The following PCDHA6 variants were observed in gnomAD, a reference collection of about 807,000 sequenced individuals.
The protein encoded by PCDHA6 is protocadherin alpha 6, also known as protocadherin alpha-6.
PCDHA6 carries 55 observed loss-of-function variants against 60.3 expected under a neutral mutation model. The ratio of observed to expected loss-of-function variants is 0.91; its 90% confidence interval spans 0.73 to 1.14. PCDHA6 has a LOEUF of 1.14. Ranked by LOEUF, PCDHA6 falls within the 50% of genes most tolerant of loss-of-function variation. PCDHA6 has a pLI of 0.00. For missense variants in PCDHA6, 1,327 were observed against 1,256.5 expected, an observed-to-expected ratio of 1.06 and a Z score of -0.85; for synonymous variants, 652 against 557.9, an observed-to-expected ratio of 1.17 and a Z score of -2.38.
chr5:140,869,431 G>T lies in PCDHA6; in HGVS notation c.2394+38946G>T, dbSNP rs782430805. ...GTGCAGCATCCACCTGGAGGTGATC[G>T]TGGACAGGCCGCTGCAGGTTTTCCA... is the stretch of plus-strand genomic sequence containing the variant. On this transcript the variant is annotated intron_variant, in intron 1 of 3. Transcript: ENST00000529310. The T allele has an allele frequency of 3.7e-6, 6 of 1,614,204 alleles. No individual in the cohort carries two copies. In the South Asian group the frequency reaches 5.5e-5, roughly 15 times the overall value.
At chr5:140,908,844 C>T (rs533219921) in intron 1 of PCDHA6, among the ~76,000 whole-genome samples, 2 of 152,272 alleles carry the variant, frequency 1.3e-5, no homozygotes, top group African/African-American at 4.8e-5. Context: ...GCTGGAGTAA[C>T]ATACCCAAAT....
intron 1 of PCDHA6, among the ~76,000 whole-genome samples, chr5:140,840,938 GA>G (rs1162522962): frequency 6.6e-6 from 1 of 151,908 alleles, no homozygotes; most frequent in Non-Finnish European, 1.5e-5. Flanking sequence ...TACGATATTT[GA>G]AATATTGGGA....
At position 140,917,079 on chromosome 5, in the gene PCDHA6, A is replaced by G. The variant is rs115825402; in HGVS notation, c.2395-61870A>G. Among the ~76,000 whole-genome samples the G allele has an allele frequency of 8.0e-3, 1,217 of 152,106 alleles. 6 individuals carry two copies. The highest frequency in any genetic ancestry group is 0.019 in the African/African-American group (785 of 41,476). On this transcript the variant is annotated intron_variant, in intron 1 of 3. Coordinates refer to ENST00000529310, the MANE Select transcript of PCDHA6 (RefSeq NM_018909.4). ...GCTACGACAGCACCGAGTTTAATGT[A>G]AAGTTCCCCAGTTGCTGTGCTTTAC... is the stretch of plus-strand genomic sequence containing the variant.
At chr5:140,938,190 C>T (rs2091964057) in intron 1 of PCDHA6, among the ~76,000 whole-genome samples, 1 of 152,212 alleles carries the variant, frequency 6.6e-6, no homozygotes. Flanking sequence ...AAGCAATCCT[C>T]CCACGCCAGC....
intron 1 of PCDHA6, among the ~76,000 whole-genome samples, chr5:140,831,987 G>A (rs1349953832): frequency 2.6e-5 from 4 of 152,118 alleles, no homozygotes; most frequent in South Asian, 2.1e-4. Flanking sequence ...CTCTCATTAC[G>A]GATTCCATAT....
chr5:140,858,711 A>T, intron 1 of PCDHA6: 1 of 537,382 alleles, frequency 1.9e-6, no homozygotes, highest in East Asian at 3.0e-5. Context: ...TATGTGATAT[A>T]GGTTGCAGTT....
intron 1 of PCDHA6, chr5:140,856,762 C>T: frequency 6.3e-7 from 1 of 1,596,712 alleles, no homozygotes; most frequent in Non-Finnish European, 8.6e-7. Context: ...ATGATAACGC[C>T]CCTATCTTTG....
At chr5:140,996,795 C>G (rs1554255407) in intron 3 of PCDHA6, among the ~76,000 whole-genome samples, 1 of 152,170 alleles carries the variant, frequency 6.6e-6, no homozygotes, top group East Asian at 1.9e-4. Flanking sequence ...CTCCCTACAT[C>G]CAATCATGCT....
chr5:140,877,243 G>A lies in PCDHA6; in HGVS notation c.2394+46758G>A, dbSNP rs201483899. ...GCGGTCGGTGGGTGCGGGCCACGTG[G>A]TGGCGAAAGTGCGCGCGGTGGACGC... On this transcript the variant is annotated intron_variant, in intron 1 of 3. Transcript: ENST00000529310. The A allele has an allele frequency of 1.2e-5, 20 of 1,613,724 alleles. No individual in the cohort carries two copies. In the African/African-American group the frequency reaches 2.7e-4, roughly 22 times the overall value.
Position 140,868,861 on chromosome 5 carries a change from T to G in PCDHA6, c.2394+38376T>G, listed in dbSNP as rs539900578. The G allele has an allele frequency of 3.6e-3, 1,881 of 525,394 alleles. 11 individuals carry two copies. Among genetic ancestry groups the G allele is most frequent in the Non-Finnish European group, 4.6e-3 (1,438 of 315,638 alleles). 32.5% of individuals were successfully genotyped at this position (525,394 alleles called of 1,614,324 possible). On this transcript the variant is annotated intron_variant, in intron 1 of 3. Coordinates refer to ENST00000529310, the MANE Select transcript of PCDHA6 (RefSeq NM_018909.4). ...ACACGTGAAATTCTGTGGTGGTAAA[T>G]GCAGTGCACAGTACTCACAGTTTTA...
chr5:140,839,939 G>T (rs1015505565), intron 1 of PCDHA6, among the ~76,000 whole-genome samples: 3 of 151,962 alleles, frequency 2.0e-5, no homozygotes, highest in Non-Finnish European at 4.4e-5. Context: ...AGTGTGCCAA[G>T]AAGGAGACAA....
intron 1 of PCDHA6, chr5:140,855,785 A>G (rs2043622079): frequency 4.7e-6 from 2 of 426,874 alleles, no homozygotes; most frequent in Non-Finnish European, 4.2e-6. Context: ...ACGTAAAAAA[A>G]GAATTAACAT....
chr5:140,862,713 C>T, intron 1 of PCDHA6: 1 of 561,970 alleles, frequency 1.8e-6, no homozygotes. Flanking sequence ...AGCGGGTGGG[C>T]GAGTGCGCGC....
At chr5:140,883,547 G>C in intron 1 of PCDHA6, 1 of 1,614,234 alleles carries the variant, frequency 6.2e-7, no homozygotes, top group Non-Finnish European at 8.5e-7. Flanking sequence ...GGTGGTGACC[G>C]CGCGGGACGG....
intron 2 of PCDHA6, among the ~76,000 whole-genome samples, chr5:140,979,837 C>T (rs1554241124): frequency 6.6e-6 from 1 of 152,188 alleles, no homozygotes; most frequent in Non-Finnish European, 1.5e-5. Flanking sequence ...AAGAAATAAT[C>T]TTCAAACTTA....
rs1554150162 is a variant in PCDHA6 at position 140,857,521 on chromosome 5, C to T, written c.2394+27036C>T. 5 of 1,598,106 alleles carry T rather than the reference C, an allele frequency of 3.1e-6. 1 individual carries two copies. In the South Asian group the frequency reaches 4.4e-5, roughly 14 times the overall value. On this transcript the variant is annotated intron_variant, in intron 1 of 3. Coordinates refer to ENST00000529310, the MANE Select transcript of PCDHA6 (RefSeq NM_018909.4). Reference sequence around the variant, plus strand: ...CGCAGGAGAACGCCCTGGTGTCCTACTCTCTGGTGGAGCGGCGGTTGGGCG... The same window carrying T: ...CGCAGGAGAACGCCCTGGTGTCCTATTCTCTGGTGGAGCGGCGGTTGGGCG...
intron 1 of PCDHA6, chr5:140,969,580 AT>A: frequency 2.2e-6 from 2 of 914,646 alleles, no homozygotes; most frequent in Non-Finnish European, 3.2e-6. Flanking sequence ...AGAAGTGAGG[AT>A]TAGTCTTAAT....
At chr5:140,976,523 C>T in intron 1 of PCDHA6, among the ~76,000 whole-genome samples, 1 of 151,724 alleles carries the variant, frequency 6.6e-6, no homozygotes. Flanking sequence ...TGCACACCAG[C>T]CTAAATGACA....
At chr5:140,870,392 GT>G in intron 1 of PCDHA6, 1 of 1,614,254 alleles carries the variant, frequency 6.2e-7, no homozygotes, top group Middle Eastern at 1.6e-4. Flanking sequence ...CGGGATGGGG[GT>G]TCGCCTTCTC....
Sources: allele counts gnomAD v4.1 joint callset (sites outside exome capture counted in the v4.1 genomes callset), GRCh38; gene constraint gnomAD v4.1.1; transcripts MANE v1.5; gene names NCBI Gene and HGNC (gene_info 2026-07-23, HGNC 2026-07-21).